Variants in NEDD1 observed in about 807,000 individuals in gnomAD.
The protein encoded by NEDD1 is protein NEDD1.
NEDD1 carries 33 observed loss-of-function variants against 74.0 expected under a neutral mutation model. The ratio of observed to expected loss-of-function variants is 0.45; its 90% CI spans 0.34 to 0.60. The LOEUF (loss-of-function observed/expected upper bound fraction) is 0.60, where lower values mean the gene tolerates loss of function less well. Ranked by LOEUF, NEDD1 falls within the 20% of genes least tolerant of loss-of-function variation. The pLI, the probability that NEDD1 is intolerant of heterozygous loss-of-function variation, is 0.01. For synonymous variants in NEDD1, 250 were observed against 264.4 expected (o/e 0.95, Z 0.53); for missense variants, 746 against 776.5 (o/e 0.96, Z 0.47).
chr12:96,912,584 C>T lies in NEDD1; in HGVS notation c.137-139C>T, dbSNP rs527658025. 2.8e-5 allele frequency: 14 copies of T among 501,586 alleles called. No individual in the cohort carries two copies. In the South Asian group the frequency reaches 5.1e-4, roughly 18 times the overall value. The allele number at this position is 501,586 out of a possible 1,614,324, so 31.1% of individuals were successfully genotyped here. ...TAGTAATTATTAATAGTAATGTGAG[C>T]CATTTTTGAAAGCTACTCTGTAAGC... On this transcript the variant is annotated intron_variant, in intron 3 of 15. Transcript: ENST00000266742.
intron 12 of NEDD1, among the ~76,000 whole-genome samples, chr12:96,944,276 C>A (rs1486054832): frequency 1.3e-5 from 2 of 151,894 alleles, no homozygotes; most frequent in Non-Finnish European, 2.9e-5. Flanking sequence ...TGAAAAGATA[C>A]CATGTAAGAA....
rs536370605 is a variant in NEDD1, at chr12:96,949,123, C to G, written c.1812-2309C>G. ...CAACCTCCAGGCCACTGCTTCAGCTCGGTTTCTTCTCCACACTGTGGAATC... is the reference window on the plus strand; with the variant it reads ...CAACCTCCAGGCCACTGCTTCAGCTGGGTTTCTTCTCCACACTGTGGAATC... On this transcript the variant is annotated intron_variant, in intron 14 of 15. Coordinates refer to ENST00000266742, the MANE Select transcript of NEDD1 (RefSeq NM_152905.4). Among the ~76,000 whole-genome samples the G allele has an allele frequency of 5.3e-5, 8 of 152,260 alleles. 1 individual carries two copies. The highest frequency in any genetic ancestry group is 1.9e-4 in the African/African-American group (8 of 41,562).
intron 11 of NEDD1, among the ~76,000 whole-genome samples, chr12:96,943,152 C>T (rs895294007): frequency 5.3e-5 from 8 of 152,030 alleles, no homozygotes; most frequent in African/African-American, 1.2e-4. Context: ...AGGATAGCGA[C>T]GCCAAAGGCA....
chr12:96,942,624 G>A lies in NEDD1; in HGVS notation c.1294G>A (p.Gly432Ser), dbSNP rs1877774664. ...TGATGAGTCCATAGGCAAAGGAGAT[G>A]GTAAGAACTACTTAGAAGTATTTTC... ...GSDESIGKGDGFDFLPQLNSV... is the reference protein window; with the variant it reads ...GSDESIGKGDSFDFLPQLNSV... The change falls in exon 11 of 16, where the codon GGC (glycine) becomes AGC (serine). Residue 432 changes from glycine (G) to serine (S), a missense_variant and splice_region_variant. By Grantham distance (56) the Gly-to-Ser change is moderately conservative. Coordinates refer to ENST00000266742, the MANE Select transcript of NEDD1 (RefSeq NM_152905.4). The A allele has an allele frequency of 7.0e-7, 1 of 1,434,846 alleles. No individual in the cohort carries two copies. The highest frequency in any genetic ancestry group is 9.8e-7 in the Non-Finnish European group (1 of 1,018,568). 88.9% of individuals were successfully genotyped at this position (1,434,846 alleles called of 1,614,324 possible).
chr12:96,922,488 T>C (rs1488839193), intron 6 of NEDD1, among the ~76,000 whole-genome samples: 2 of 152,340 alleles, frequency 1.3e-5, no homozygotes, highest in South Asian at 2.1e-4. Context: ...CAGATACTAC[T>C]ATGTATATTC....
chr12:96,925,432 A>G (rs1411397913), intron 6 of NEDD1, among the ~76,000 whole-genome samples: 5 of 152,212 alleles, frequency 3.3e-5, no homozygotes, highest in Non-Finnish European at 7.3e-5. Context: ...ATATGTTCTC[A>G]TTTTACAAAT....
chr12:96,952,224 AT>A lies in NEDD1; in HGVS notation c.*176del. 1 of 476,250 alleles carries A rather than the reference AT, an allele frequency of 2.1e-6. No homozygotes were observed. Among genetic ancestry groups the A allele is most frequent in the South Asian group, 3.1e-5 (1 of 31,848 alleles). 29.5% of individuals were successfully genotyped at this position (476,250 alleles called of 1,614,324 possible). On this transcript the variant is annotated 3_prime_UTR_variant, in exon 16 of 16. Transcript: ENST00000266742. The stretch of plus-strand genomic sequence containing the variant: ...ACTGTTTCATCTTAAAAATATGTAT[AT>A]TTTTATATTAAAAATTGTACAGTAT...
At chr12:96,909,992 T>C in intron 3 of NEDD1, 97 bp downstream of exon 3, 1 of 1,315,824 alleles carries the variant, frequency 7.6e-7, no homozygotes, top group Non-Finnish European at 1.0e-6. Flanking sequence ...TGCCTCATAC[T>C]GAGTAATGTG....
rs768677341 is a variant in NEDD1 at position 96,944,692 on chromosome 12, A to T, written c.1551A>T (p.Pro517=). 6.2e-7 allele frequency: 1 copy of T among 1,602,716 alleles called. No homozygotes were observed. The part of the protein sequence containing the change: ...GAESGNLNTS[P]SSNQTRNSEK... ...AAAGTGGAAATCTAAATACCTCTCC[A>T]TCATCTAACCAAACAAGAAATTCTG... Residue 517 remains proline (P), a synonymous_variant, in exon 13 of 16, where the codon CCA becomes CCT. Transcript: ENST00000266742.
At chr12:96,938,009 C>G (rs1413210786) in intron 9 of NEDD1, among the ~76,000 whole-genome samples, 1 of 152,014 alleles carries the variant, frequency 6.6e-6, no homozygotes, top group Non-Finnish European at 1.5e-5. Flanking sequence ...GCAACAAATA[C>G]TTTAGAAAGT....
intron 6 of NEDD1, among the ~76,000 whole-genome samples, chr12:96,930,868 C>T (rs1240304285): frequency 2.0e-5 from 3 of 152,084 alleles, no homozygotes; most frequent in Non-Finnish European, 2.9e-5. Context: ...ACAGTATTGA[C>T]GGTCATTCAG....
chr12:96,920,356 T>A (rs950334306), intron 6 of NEDD1, among the ~76,000 whole-genome samples: 1 of 152,010 alleles, frequency 6.6e-6, no homozygotes, highest in Admixed American at 6.6e-5. Context: ...TATAACTATA[T>A]ACAGCATAAT....
intron 10 of NEDD1, among the ~76,000 whole-genome samples, chr12:96,942,022 T>A: frequency 6.6e-6 from 1 of 152,142 alleles, no homozygotes; most frequent in East Asian, 1.9e-4. Flanking sequence ...AATTTGAATT[T>A]TACAATTTTT....
At chr12:96,932,457 AAAAAAAATATAT>A (rs1416197016) in intron 6 of NEDD1, among the ~76,000 whole-genome samples, 4 of 12,774 alleles carry the variant, frequency 3.1e-4, no homozygotes, top group Non-Finnish European at 6.7e-4. Flanking sequence ...AAAAAAAAAA[AAAAAAAATATAT>A]ATATATATAT....
At chr12:96,928,645 A>G (rs997302482) in intron 6 of NEDD1, among the ~76,000 whole-genome samples, 2 of 142,484 alleles carry the variant, frequency 1.4e-5, no homozygotes, top group Admixed American at 1.4e-4. Context: ...GATGTTGGTC[A>G]TTATGTATTG....
intron 3 of NEDD1, 135 bp downstream of exon 3, chr12:96,910,030 C>A: frequency 1.1e-6 from 1 of 873,572 alleles, no homozygotes; most frequent in East Asian, 2.8e-5. Flanking sequence ...GGATAGATAA[C>A]GTAAAATAGT....
At chr12:96,945,909 A>G (rs1465863919) in intron 14 of NEDD1, 60 bp downstream of exon 14, 1 of 1,014,266 alleles carries the variant, frequency 9.9e-7, no homozygotes. Flanking sequence ...TTTAGATGTA[A>G]AACCAGAACT....
chr12:96,930,262 G>A (rs1314063215), intron 6 of NEDD1, among the ~76,000 whole-genome samples: 1 of 150,320 alleles, frequency 6.7e-6, no homozygotes, highest in Non-Finnish European at 1.5e-5. Context: ...CACATGCTGT[G>A]TTGGGGATTT....
intron 6 of NEDD1, among the ~76,000 whole-genome samples, chr12:96,928,907 G>A (rs1301695738): frequency 6.6e-6 from 1 of 151,718 alleles, no homozygotes; most frequent in Non-Finnish European, 1.5e-5. Context: ...GGCCAGGATG[G>A]TCTCGATCTC....
Sources: gnomAD v4.1 joint callset for allele counts (sites outside exome capture counted in the v4.1 genomes callset) on GRCh38, gnomAD v4.1.1 for gene constraint, MANE v1.5 for transcripts, NCBI Gene and HGNC (gene_info 2026-07-23, HGNC 2026-07-21) for gene names.